Variants in HLCS observed in about 807,000 individuals in gnomAD.
The protein encoded by HLCS is holocarboxylase synthetase.
HLCS carries 53 observed loss-of-function variants against 75.0 expected under a neutral mutation model. The ratio of observed to expected loss-of-function variants is 0.71; its 90% CI spans 0.57 to 0.89. The LOEUF (loss-of-function observed/expected upper bound fraction) is 0.89, where lower values mean the gene tolerates loss of function less well. HLCS is among the 40% of genes least tolerant of loss of function. The pLI is 0.00. For synonymous variants in HLCS, 431 were observed against 428.6 expected, an observed-to-expected ratio of 1.01 and a Z score of -0.07; for missense variants, 966 against 1,074.0, an observed-to-expected ratio of 0.90 and a Z score of 1.41.
At chr21:36,825,870 G>A (rs2156419) in intron 6 of HLCS, among the ~76,000 whole-genome samples, 71,687 of 152,088 alleles carry the variant, frequency 0.47, 19,582 homozygotes, top group African/African-American at 0.76. Context: ...GGGACTAGAA[G>A]GCTGGCATTC....
intron 4 of HLCS, among the ~76,000 whole-genome samples, chr21:36,931,620 G>T (rs1385696749): frequency 6.6e-6 from 1 of 151,994 alleles, no homozygotes; most frequent in Non-Finnish European, 1.5e-5. Flanking sequence ...CGTGGGTGGT[G>T]CGGCTGTAGT....
intron 9 of HLCS, 38 bp downstream of exon 9, chr21:36,759,689 A>C (rs1421370472): frequency 8.7e-7 from 1 of 1,149,110 alleles, no homozygotes; most frequent in African/African-American, 1.5e-5. Context: ...TTGTTTTATT[A>C]ATCTAAAAAT....
chr21:36,889,832 A>T (rs964986185), intron 6 of HLCS, among the ~76,000 whole-genome samples: 3 of 152,228 alleles, frequency 2.0e-5, no homozygotes, highest in African/African-American at 7.2e-5. Flanking sequence ...ACAGAAAAAT[A>T]AAGGTCTCTG....
intron 8 of HLCS, among the ~76,000 whole-genome samples, chr21:36,762,965 G>A (rs180958973): frequency 4.9e-4 from 75 of 152,352 alleles, no homozygotes; most frequent in African/African-American, 1.8e-3. Context: ...CTTAGTGTTT[G>A]TTTTAGTTAT....
intron 6 of HLCS, among the ~76,000 whole-genome samples, chr21:36,863,568 T>A (rs560430249): frequency 6.6e-6 from 1 of 152,160 alleles, no homozygotes; most frequent in Non-Finnish European, 1.5e-5. Context: ...TTTTGTAGGT[T>A]CTGAAATGCA....
At chr21:36,929,435 A>G (rs1413623925) in intron 5 of HLCS, among the ~76,000 whole-genome samples, 1 of 152,256 alleles carries the variant, frequency 6.6e-6, no homozygotes, top group East Asian at 1.9e-4. Context: ...CTCTCCTCCA[A>G]AAACTAAGGG....
At chr21:36,875,068 G>T (rs1282990642) in intron 6 of HLCS, among the ~76,000 whole-genome samples, 4 of 152,158 alleles carry the variant, frequency 2.6e-5, no homozygotes, top group East Asian at 3.9e-4. Context: ...TCTAGACTTT[G>T]GTCACCAATG....
chr21:36,814,088 AAGAAT>A (rs989369910), intron 6 of HLCS, among the ~76,000 whole-genome samples: 13 of 152,194 alleles, frequency 8.5e-5, no homozygotes, highest in African/African-American at 3.1e-4. Context: ...GAGGCTCAGA[AAGAAT>A]AGAATAGAGT....
At chr21:36,956,501 GGCAA>G (rs1475128694) in intron 2 of HLCS, among the ~76,000 whole-genome samples, 27 of 152,130 alleles carry the variant, frequency 1.8e-4, no homozygotes, top group Non-Finnish European at 1.0e-4. Flanking sequence ...GGCCGAGGTG[GGCAA>G]ATCACAAGGT....
chr21:36,857,435 A>G (rs1165118175), intron 6 of HLCS, among the ~76,000 whole-genome samples: 2 of 152,224 alleles, frequency 1.3e-5, no homozygotes, highest in Admixed American at 6.5e-5. Flanking sequence ...CACTAGTCCT[A>G]TTCCGAAGAG....
rs951765654 is a variant in HLCS, at chr21:36,760,925, G to A, written c.2122-1084C>T. On this transcript the variant is annotated intron_variant, in intron 8 of 10. Transcript: ENST00000674895. ...AGAACCACCAGGTCTTTTAGACCTCGGGCTGGCAGCCAGGCTGTGCCATGT... is the reference window on the plus strand; with the variant it reads ...AGAACCACCAGGTCTTTTAGACCTCAGGCTGGCAGCCAGGCTGTGCCATGT... 4.6e-5 allele frequency among the ~76,000 whole-genome samples: 7 copies of A among 152,204 alleles called. No homozygotes were observed. In the South Asian group the frequency reaches 8.3e-4, roughly 18 times the overall value.
intron 6 of HLCS, among the ~76,000 whole-genome samples, chr21:36,794,539 T>C (rs115112141): frequency 0.013 from 2,026 of 152,026 alleles, 38 homozygotes; most frequent in African/African-American, 0.047. Context: ...CGTATGGGGT[T>C]GGGGGGAATA....
chr21:36,780,487 G>A (rs537839052), intron 6 of HLCS, among the ~76,000 whole-genome samples: 1 of 152,140 alleles, frequency 6.6e-6, no homozygotes, highest in African/African-American at 2.4e-5. Context: ...CAAAGTGCTG[G>A]GATTACAGGC....
intron 1 of HLCS, among the ~76,000 whole-genome samples, chr21:36,962,512 G>A (rs1224653926): frequency 6.6e-6 from 1 of 152,138 alleles, no homozygotes; most frequent in African/African-American, 2.4e-5. Flanking sequence ...AGGCTGGCCG[G>A]CACAGTGGCT....
intron 5 of HLCS, among the ~76,000 whole-genome samples, chr21:36,929,304 C>T (rs2066534136): frequency 6.6e-6 from 1 of 152,194 alleles, no homozygotes; most frequent in South Asian, 2.1e-4. Context: ...AGGTAGCCAG[C>T]CCCAGCCCTC....
At chr21:36,918,145 G>A (rs1031811854) in intron 5 of HLCS, among the ~76,000 whole-genome samples, 3 of 152,144 alleles carry the variant, frequency 2.0e-5, no homozygotes, top group Non-Finnish European at 4.4e-5. Context: ...CAGCCTGTCT[G>A]CTTTCTTACA....
chr21:36,950,707 A>G (rs917216783), intron 2 of HLCS, among the ~76,000 whole-genome samples: 5 of 151,998 alleles, frequency 3.3e-5, no homozygotes. Flanking sequence ...GGCCAATCTT[A>G]TCAAATCTTA....
intron 6 of HLCS, among the ~76,000 whole-genome samples, chr21:36,874,671 G>A (rs2063898796): frequency 6.6e-6 from 1 of 152,226 alleles, no homozygotes. Context: ...TGGCCCATCT[G>A]GAGCAGCCAC....
At chr21:36,986,419 C>T (rs61087329) in intron 1 of HLCS, among the ~76,000 whole-genome samples, 39,046 of 152,084 alleles carry the variant, frequency 0.26, 5,169 homozygotes, top group South Asian at 0.35. Flanking sequence ...GGTAACTTTT[C>T]GTTTGTTTTT....
Sources: gnomAD v4.1 joint callset for allele counts (sites outside exome capture counted in the v4.1 genomes callset) on GRCh38, gnomAD v4.1.1 for gene constraint, MANE v1.5 for transcripts, NCBI Gene and HGNC (gene_info 2026-07-23, HGNC 2026-07-21) for gene names.